EXOC6B: variants seen among roughly 807,000 people sequenced by gnomAD.
EXOC6B encodes the protein exocyst complex component 6B.
Under a neutral mutation model 113.5 loss-of-function variants are expected in EXOC6B, and 54 were observed. The ratio of observed to expected loss-of-function variants is 0.48; its 90% confidence interval spans 0.38 to 0.60. The LOEUF is 0.60. Among genes scored for constraint, EXOC6B ranks in the 20% least tolerant of loss-of-function variants. The pLI, the probability that EXOC6B is intolerant of heterozygous loss-of-function variation, is 0.00. For missense variants in EXOC6B, 797 were observed against 977.5 expected (o/e 0.82, Z 2.46); for synonymous variants, 357 against 339.0 (o/e 1.05, Z -0.58).
chr2:72,498,606 G>GTTTTTTT, intron 12 of EXOC6B, 55 bp from the exon 13 acceptor site: 1 of 843,756 alleles, frequency 1.2e-6, no homozygotes, highest in Non-Finnish European at 1.7e-6. Flanking sequence ...TTTTTTTTCG[G>GTTTTTTT]TTTTTTTTTT....
intron 17 of EXOC6B, among the ~76,000 whole-genome samples, chr2:72,479,107 A>G (rs555367945): frequency 6.6e-6 from 1 of 152,314 alleles, no homozygotes; most frequent in East Asian, 1.9e-4. Context: ...GAACATCTAA[A>G]TTAGTATCAT....
At chr2:72,438,446 A>C (rs1302536989) in intron 18 of EXOC6B, among the ~76,000 whole-genome samples, 1 of 152,172 alleles carries the variant, frequency 6.6e-6, no homozygotes, top group Non-Finnish European at 1.5e-5. Flanking sequence ...CCATCTCTAC[A>C]GAAAATTTAA....
At chr2:72,803,968 G>A (rs1193505168) in intron 1 of EXOC6B, among the ~76,000 whole-genome samples, 1 of 152,180 alleles carries the variant, frequency 6.6e-6, no homozygotes, top group African/African-American at 2.4e-5. Context: ...TAGTAAATTA[G>A]AAATCTTAAG....
chr2:72,574,585 G>T (rs193270101), intron 7 of EXOC6B, among the ~76,000 whole-genome samples: 3 of 152,174 alleles, frequency 2.0e-5, no homozygotes, highest in East Asian at 3.9e-4. Context: ...CTGGAGAAAG[G>T]AAACAAGCAC....
chr2:72,280,377 A>C (rs981591702), intron 20 of EXOC6B, among the ~76,000 whole-genome samples: 5 of 152,178 alleles, frequency 3.3e-5, no homozygotes, highest in African/African-American at 1.2e-4. Context: ...ATGTCAAGAT[A>C]ACACAGATGT....
At chr2:72,656,272 A>G (rs1353759651) in intron 6 of EXOC6B, among the ~76,000 whole-genome samples, 1 of 152,158 alleles carries the variant, frequency 6.6e-6, no homozygotes, top group Non-Finnish European at 1.5e-5. Context: ...AATTAGTAGG[A>G]AAAAGTTTAA....
intron 6 of EXOC6B, among the ~76,000 whole-genome samples, chr2:72,636,517 G>GGAA (rs112978828): frequency 0.26 from 39,726 of 151,006 alleles, 9,674 homozygotes; most frequent in African/African-American, 0.65. Context: ...AGAGAAAGAA[G>GGAA]GAAGAAGAAG....
chr2:72,575,413 G>A (rs1373210744), intron 7 of EXOC6B, 79 bp downstream of exon 7: 16 of 1,319,918 alleles, frequency 1.2e-5, no homozygotes, highest in Non-Finnish European at 1.6e-5. Flanking sequence ...ACATTATATG[G>A]ATAAACTCTT....
intron 6 of EXOC6B, among the ~76,000 whole-genome samples, chr2:72,624,452 T>C (rs1671930485): frequency 6.6e-6 from 1 of 152,156 alleles, no homozygotes; most frequent in African/African-American, 2.4e-5. Flanking sequence ...TAAGATGCTC[T>C]GATTTTGACC....
chr2:72,557,995 T>A (rs546420670), intron 8 of EXOC6B, among the ~76,000 whole-genome samples: 6 of 151,464 alleles, frequency 4.0e-5, no homozygotes, highest in Admixed American at 2.6e-4. Context: ...AATGAGTATA[T>A]GTTACTTTAG....
At chr2:72,497,267 C>T (rs1027893376) in intron 13 of EXOC6B, among the ~76,000 whole-genome samples, 1 of 152,090 alleles carries the variant, frequency 6.6e-6, no homozygotes, top group Non-Finnish European at 1.5e-5. Flanking sequence ...CCCACTGCAC[C>T]TGGCCCATTG....
intron 19 of EXOC6B, among the ~76,000 whole-genome samples, chr2:72,342,520 C>T (rs1407059897): frequency 1.3e-5 from 2 of 151,858 alleles, no homozygotes; most frequent in Admixed American, 1.3e-4. Context: ...TGGCTATCAT[C>T]AAAAATACAA....
intron 18 of EXOC6B, among the ~76,000 whole-genome samples, chr2:72,433,413 T>G (rs1170045657): frequency 6.6e-6 from 1 of 152,200 alleles, no homozygotes; most frequent in African/African-American, 2.4e-5. Context: ...CCACATGAAA[T>G]TTAAAGTAGT....
At chr2:72,502,624 T>C (rs1429672458) in intron 11 of EXOC6B, among the ~76,000 whole-genome samples, 1 of 152,172 alleles carries the variant, frequency 6.6e-6, no homozygotes, top group Non-Finnish European at 1.5e-5. Flanking sequence ...AATGCCTTTA[T>C]TTTGCCCTCT....
At chr2:72,523,780 CAAAAAAAAAAAAA>C (rs11334254) in intron 8 of EXOC6B, among the ~76,000 whole-genome samples, 3 of 63,728 alleles carry the variant, frequency 4.7e-5, no homozygotes, top group East Asian at 5.1e-4. Flanking sequence ...GACTCCATCT[CAAAAAAAAAAAAA>C]AAAAAAAAAA....
chr2:72,769,776 C>A (rs922807104), intron 1 of EXOC6B, among the ~76,000 whole-genome samples: 2 of 152,094 alleles, frequency 1.3e-5, no homozygotes, highest in Non-Finnish European at 2.9e-5. Flanking sequence ...CGTGCCACTG[C>A]ACTCCAGCCT....
chr2:72,267,108 T>C (rs1372899019), intron 20 of EXOC6B, among the ~76,000 whole-genome samples: 1 of 152,212 alleles, frequency 6.6e-6, no homozygotes, highest in Non-Finnish European at 1.5e-5. Context: ...ATTGATTTTG[T>C]ATCCTGAGAC....
chr2:72,478,026 A>G (rs373271217), intron 17 of EXOC6B, among the ~76,000 whole-genome samples: 16 of 152,334 alleles, frequency 1.1e-4, no homozygotes, highest in African/African-American at 3.1e-4. Context: ...TGTAGTAGAC[A>G]CTGTATTAAA....
chr2:72,525,167 G>A (rs181417245), intron 8 of EXOC6B, among the ~76,000 whole-genome samples: 3 of 152,322 alleles, frequency 2.0e-5, no homozygotes, highest in Admixed American at 6.5e-5. Context: ...GAGTAGTTGA[G>A]TCTGTGCTTT....
Sources: allele counts gnomAD v4.1 joint callset (sites outside exome capture counted in the v4.1 genomes callset), GRCh38; gene constraint gnomAD v4.1.1; transcripts MANE v1.5; gene names NCBI Gene and HGNC (gene_info 2026-07-23, HGNC 2026-07-21).